PAG1: variants seen among roughly 807,000 people sequenced by gnomAD.
PAG1 encodes phosphoprotein associated with glycosphingolipid-enriched microdomains 1.
PAG1 carries 23 observed loss-of-function variants against 31.7 expected under a neutral mutation model. The ratio of observed to expected loss-of-function variants is 0.73; its 90% CI spans 0.52 to 1.03. The LOEUF is 1.03. Ranked by LOEUF, PAG1 falls within the 50% of genes least tolerant of loss-of-function variation. The pLI is 0.00. For synonymous variants in PAG1, 214 were observed against 210.3 expected (o/e 1.02, Z -0.15); for missense variants, 473 against 540.7 (o/e 0.87, Z 1.24).
chr8:81,046,231 T>C (rs909096830), intron 2 of PAG1, among the ~76,000 whole-genome samples: 2 of 152,224 alleles, frequency 1.3e-5, no homozygotes, highest in African/African-American at 4.8e-5. Flanking sequence ...GCAGTAATAT[T>C]TGACAGTGTA....
intron 1 of PAG1, among the ~76,000 whole-genome samples, chr8:81,094,955 T>C (rs539635105): frequency 2.7e-4 from 41 of 152,318 alleles, no homozygotes; most frequent in South Asian, 4.1e-4. Flanking sequence ...ATCTGGAAGC[T>C]AGGAAAAATA....
intron 2 of PAG1, among the ~76,000 whole-genome samples, chr8:81,056,142 A>G (rs910586967): frequency 7.2e-5 from 11 of 152,140 alleles, no homozygotes; most frequent in Admixed American, 7.2e-4. Flanking sequence ...ATCAATACCT[A>G]ATTTGTTGAG....
At chr8:81,008,816 TGA>T (rs1176294030) in intron 3 of PAG1, among the ~76,000 whole-genome samples, 1 of 152,000 alleles carries the variant, frequency 6.6e-6, no homozygotes, top group Non-Finnish European at 1.5e-5. Flanking sequence ...CAGGACTCTA[TGA>T]GGTAGCAGCT....
At chr8:81,091,483 A>G (rs1212592980) in intron 1 of PAG1, among the ~76,000 whole-genome samples, 2 of 152,214 alleles carry the variant, frequency 1.3e-5, no homozygotes, top group African/African-American at 4.8e-5. Context: ...TAGATGGTAT[A>G]GTGTACTACA....
intron 1 of PAG1, among the ~76,000 whole-genome samples, chr8:81,106,388 T>G (rs891072831): frequency 2.6e-5 from 4 of 152,090 alleles, no homozygotes; most frequent in African/African-American, 9.7e-5. Context: ...GTATTTTTTT[T>G]TTTACTTGCT....
At chr8:81,097,614 G>T (rs535575001) in intron 1 of PAG1, among the ~76,000 whole-genome samples, 19 of 151,852 alleles carry the variant, frequency 1.3e-4, no homozygotes, top group Non-Finnish European at 2.2e-4. Context: ...GGCGAGGTTC[G>T]TAATTTCACA....
At chr8:80,996,276 T>A (rs919204960) in intron 3 of PAG1, among the ~76,000 whole-genome samples, 2 of 151,836 alleles carry the variant, frequency 1.3e-5, no homozygotes, top group South Asian at 2.1e-4. Context: ...CCTGGCAGAG[T>A]GTGTGAGTGT....
chr8:80,980,709 C>T (rs879362347), intron 7 of PAG1, among the ~76,000 whole-genome samples: 25 of 152,150 alleles, frequency 1.6e-4, no homozygotes, highest in Admixed American at 3.9e-4. Flanking sequence ...GAAATTTCCT[C>T]TAATTTTGTA....
intron 1 of PAG1, among the ~76,000 whole-genome samples, chr8:81,103,598 C>T (rs1376699675): frequency 6.6e-6 from 1 of 152,144 alleles, no homozygotes; most frequent in Non-Finnish European, 1.5e-5. Context: ...TCCAGTTAGT[C>T]TATAATATAA....
chr8:81,061,758 G>C (rs555840077), intron 2 of PAG1, among the ~76,000 whole-genome samples: 1 of 152,160 alleles, frequency 6.6e-6, no homozygotes, highest in African/African-American at 2.4e-5. Flanking sequence ...CATTTAAAAC[G>C]TAAAAAAGGA....
Position 80,993,104 on chromosome 8 carries a change from T to G in PAG1, c.124A>C (p.Arg42=), listed in dbSNP as rs1003051156. ...FLIFLCSSCD[R]EKKPRQHSGD... Reference sequence around the variant, plus strand: ...AGGTATATACACTCTGGTTCTCACCTGTCACAACTAGAGCACAGGAAGATG... The same window carrying G: ...AGGTATATACACTCTGGTTCTCACCGGTCACAACTAGAGCACAGGAAGATG... Residue 42 remains arginine (R), a splice_region_variant and synonymous_variant, in exon 4 of 9, where the codon AGG becomes CGG. Coordinates refer to ENST00000220597, the MANE Select transcript of PAG1 (RefSeq NM_018440.4). 1.9e-6 allele frequency: 3 copies of G among 1,613,196 alleles called. No individual in the cohort carries two copies. The highest frequency in any genetic ancestry group is 2.5e-6 in the Non-Finnish European group (3 of 1,179,564).
intron 3 of PAG1, among the ~76,000 whole-genome samples, chr8:81,013,788 C>T (rs1043232265): frequency 5.9e-5 from 9 of 152,142 alleles, no homozygotes; most frequent in African/African-American, 2.2e-4. Context: ...CCATGTTGGC[C>T]AGGCTGGTCT....
chr8:81,064,383 C>T (rs1364284970), intron 2 of PAG1, among the ~76,000 whole-genome samples: 1 of 152,124 alleles, frequency 6.6e-6, no homozygotes, highest in Non-Finnish European at 1.5e-5. Context: ...TGGCCTGGTT[C>T]CTGCAAAGGC....
chr8:81,031,672 G>A (rs1808380205), intron 2 of PAG1, among the ~76,000 whole-genome samples: 1 of 152,210 alleles, frequency 6.6e-6, no homozygotes, highest in Admixed American at 6.5e-5. Context: ...ATGTTTGGAT[G>A]TGCTTTCTCT....
chr8:81,111,005 G>T (rs1809764431), intron 1 of PAG1, among the ~76,000 whole-genome samples: 1 of 152,204 alleles, frequency 6.6e-6, no homozygotes, highest in Admixed American at 6.5e-5. Flanking sequence ...CTTGAGACTT[G>T]CCTACATTCT....
intron 1 of PAG1, among the ~76,000 whole-genome samples, chr8:81,098,188 A>C (rs4739786): frequency 0.56 from 84,924 of 151,992 alleles, 24,576 homozygotes; most frequent in East Asian, 0.74. Flanking sequence ...AGTACTACCA[A>C]TGGAAATCTG....
At chr8:81,086,645 C>G (rs946821834) in intron 1 of PAG1, among the ~76,000 whole-genome samples, 2 of 151,906 alleles carry the variant, frequency 1.3e-5, no homozygotes, top group African/African-American at 4.8e-5. Flanking sequence ...ATAAACAGCC[C>G]AAACAAAAAA....
intron 2 of PAG1, among the ~76,000 whole-genome samples, chr8:81,048,744 T>C (rs757163276): frequency 2.0e-5 from 3 of 152,244 alleles, no homozygotes; most frequent in Admixed American, 6.5e-5. Flanking sequence ...ATCATTCGTA[T>C]ATATAAATGT....
At chr8:81,030,672 C>A (rs1266454665) in intron 2 of PAG1, among the ~76,000 whole-genome samples, 1 of 152,198 alleles carries the variant, frequency 6.6e-6, no homozygotes, top group Non-Finnish European at 1.5e-5. Context: ...AAAAGAGAGG[C>A]TACATGGGCG....
Sources: gnomAD v4.1 joint callset for allele counts (sites outside exome capture counted in the v4.1 genomes callset) on GRCh38, gnomAD v4.1.1 for gene constraint, MANE v1.5 for transcripts, NCBI Gene and HGNC (gene_info 2026-07-23, HGNC 2026-07-21) for gene names.